The following SEC24D variants were observed in gnomAD, a reference collection of about 807,000 sequenced individuals.
SEC24D encodes protein transport protein Sec24D.
Under a neutral mutation model 116.9 loss-of-function variants are expected in SEC24D, and 69 were observed. That is an observed-to-expected ratio of 0.59 (90% CI 0.49 to 0.72). SEC24D has a LOEUF of 0.72. Among genes scored for constraint, SEC24D ranks in the 30% least tolerant of loss-of-function variants. The pLI is 0.00. For synonymous variants in SEC24D, 405 were observed against 442.8 expected (o/e 0.91, Z 1.07); for missense variants, 1,131 against 1,264.1 (o/e 0.89, Z 1.60).
At chr4:118,814,359 G>A (rs571492308) in intron 6 of SEC24D, among the ~76,000 whole-genome samples, 4 of 152,270 alleles carry the variant, frequency 2.6e-5, no homozygotes, top group East Asian at 3.9e-4. Context: ...GCCTCTTCAC[G>A]CTGGATTTTG....
At position 118,744,032 on chromosome 4, in the gene SEC24D, G is replaced by A; in HGVS notation, c.1951C>T (p.Pro651Ser). Residue 651 changes from proline to serine, a missense_variant, in exon 15 of 23, where the codon CCT becomes TCT. Physicochemically the swap from Pro to Ser is moderately conservative, Grantham distance 74. Transcript: ENST00000280551. ...TAAAGGGTTCCTCCAGTGAGCTGAG[G>A]AACCAGCCCCAGCGAGGCCACGTCC... The part of the protein sequence containing the change: ...YVDVASLGLV[P>S]QLTGGTLYKY... The A allele has an allele frequency of 6.2e-7, 1 of 1,612,932 alleles. No homozygotes were observed. Among genetic ancestry groups the A allele is most frequent in the East Asian group, 2.2e-5 (1 of 44,830 alleles).
chr4:118,794,989 A>G (rs887532809), intron 8 of SEC24D, among the ~76,000 whole-genome samples: 19 of 152,056 alleles, frequency 1.2e-4, no homozygotes, highest in Non-Finnish European at 2.4e-4. Flanking sequence ...TGTTATATGC[A>G]TATTTTATTT....
chr4:118,738,407 T>G, intron 18 of SEC24D, 28 bp from the exon 19 acceptor site: 1 of 1,473,060 alleles, frequency 6.8e-7, no homozygotes, highest in Non-Finnish European at 9.5e-7. Context: ...GAAAAGGACA[T>G]GAGTTTTAGC....
intron 8 of SEC24D, among the ~76,000 whole-genome samples, chr4:118,775,423 T>A (rs1475027593): frequency 6.6e-6 from 1 of 150,962 alleles, no homozygotes; most frequent in Admixed American, 6.6e-5. Context: ...TGGGCACTTA[T>A]GAGGAGCTAT....
chr4:118,814,177 G>A (rs1462665892), intron 6 of SEC24D, among the ~76,000 whole-genome samples: 8 of 152,204 alleles, frequency 5.3e-5, no homozygotes, highest in Non-Finnish European at 8.8e-5. Flanking sequence ...AAGATTGGCA[G>A]CTTCCCTGTC....
chr4:118,756,987 C>T (rs1727128947), intron 11 of SEC24D, among the ~76,000 whole-genome samples: 1 of 151,876 alleles, frequency 6.6e-6, no homozygotes, highest in Non-Finnish European at 1.5e-5. Context: ...GTTGTTTTTT[C>T]TCTCCTGAAA....
At chr4:118,815,930 C>CT (rs1560747861) in intron 4 of SEC24D, among the ~76,000 whole-genome samples, 3 of 151,462 alleles carry the variant, frequency 2.0e-5, no homozygotes, top group South Asian at 2.1e-4. Flanking sequence ...GGGATTTTTT[C>CT]TTTTTTTTAA....
chr4:118,756,283 A>G (rs1391534625), intron 11 of SEC24D, among the ~76,000 whole-genome samples: 1 of 152,140 alleles, frequency 6.6e-6, no homozygotes, highest in Non-Finnish European at 1.5e-5. Context: ...GGTAAGGGAA[A>G]CTACAGTCAC....
At chr4:118,790,536 A>G (rs1413986216) in intron 8 of SEC24D, among the ~76,000 whole-genome samples, 2 of 152,080 alleles carry the variant, frequency 1.3e-5, no homozygotes, top group African/African-American at 4.8e-5. Flanking sequence ...CTACATATAT[A>G]CCTCAGAATT....
At chr4:118,820,522 G>A (rs749731558) in intron 3 of SEC24D, among the ~76,000 whole-genome samples, 1 of 152,154 alleles carries the variant, frequency 6.6e-6, no homozygotes, top group South Asian at 2.1e-4. Context: ...CACATAGCAT[G>A]TTGTACAAAG....
chr4:118,732,843 GT>G lies in SEC24D; in HGVS notation c.2565del (p.Leu856SerfsTer19). ...YMNCLLKNCV[L>X]LSRPEISTDE... ...TCAGTTGAGATCTCTGGTCTGCTGA[GT>G]AGTACACAGTTTTTCAACAAGCAAT... On this transcript the variant is annotated frameshift_variant, in exon 20 of 23. Transcript: ENST00000280551. LOFTEE classifies it high-confidence loss of function. 6.2e-7 allele frequency: 1 copy of G among 1,614,032 alleles called. No individual in the cohort carries two copies. Among genetic ancestry groups the G allele is most frequent in the Non-Finnish European group, 8.5e-7 (1 of 1,179,910 alleles).
chr4:118,798,028 A>T (rs969943339), intron 7 of SEC24D, among the ~76,000 whole-genome samples: 1 of 152,222 alleles, frequency 6.6e-6, no homozygotes, highest in African/African-American at 2.4e-5. Flanking sequence ...AATACTCTGA[A>T]TCCTACTGCA....
At chr4:118,776,023 C>T (rs1728114831) in intron 8 of SEC24D, among the ~76,000 whole-genome samples, 1 of 150,082 alleles carries the variant, frequency 6.7e-6, no homozygotes, top group South Asian at 2.1e-4. Flanking sequence ...CAAGGGCCTA[C>T]ATTACAGAGT....
At chr4:118,786,621 C>T (rs1728673881) in intron 8 of SEC24D, among the ~76,000 whole-genome samples, 1 of 152,178 alleles carries the variant, frequency 6.6e-6, no homozygotes, top group East Asian at 1.9e-4. Context: ...GCTAAGAAGC[C>T]TTTTCAATAA....
At position 118,744,233 on chromosome 4, in the gene SEC24D, T is replaced by C. The variant is rs2110446205; in HGVS notation, c.1825-75A>G. The C allele has an allele frequency of 4.6e-6, 6 of 1,313,298 alleles. No individual in the cohort carries two copies. In the East Asian group the frequency reaches 1.5e-4, roughly 34 times the overall value. The allele number at this position is 1,313,298 out of a possible 1,614,324, so 81.4% of individuals were successfully genotyped here. A position where few individuals can be genotyped will look rare whatever the true frequency, so the allele number is the denominator to read the frequency against. On this transcript the variant is annotated intron_variant, in intron 14 of 22. Coordinates refer to ENST00000280551, the MANE Select transcript of SEC24D (RefSeq NM_014822.4). The stretch of plus-strand genomic sequence containing the variant: ...TTTGGTTTAAATTTTAAATTTCTAT[T>C]GAATTCTTATTGAATTTTCAAAATG...
At chr4:118,835,445 GCTCA>G (rs1712955663) in intron 1 of SEC24D, among the ~76,000 whole-genome samples, 1 of 152,164 alleles carries the variant, frequency 6.6e-6, no homozygotes, top group African/African-American at 2.4e-5. Flanking sequence ...CGGCCCCCTG[GCTCA>G]CTGTCACCCA....
chr4:118,831,523 A>G (rs1255087662), intron 2 of SEC24D, among the ~76,000 whole-genome samples: 1 of 152,142 alleles, frequency 6.6e-6, no homozygotes, highest in African/African-American at 2.4e-5. Context: ...AAGCTTTTCC[A>G]ACCCACGGCC....
chr4:118,788,091 T>C (rs1363179538), intron 8 of SEC24D, among the ~76,000 whole-genome samples: 1 of 152,228 alleles, frequency 6.6e-6, no homozygotes, highest in Admixed American at 6.5e-5. Flanking sequence ...GGAGGTGGGA[T>C]TACAAGTGTC....
At chr4:118,829,287 A>T (rs989938916) in intron 2 of SEC24D, among the ~76,000 whole-genome samples, 5 of 152,144 alleles carry the variant, frequency 3.3e-5, no homozygotes, top group Non-Finnish European at 7.4e-5. Context: ...CCAAGGCAGG[A>T]GGATGGCTTG....
Sources: allele counts gnomAD v4.1 joint callset (sites outside exome capture counted in the v4.1 genomes callset), GRCh38; gene constraint gnomAD v4.1.1; transcripts MANE v1.5; gene names NCBI Gene and HGNC (gene_info 2026-07-23, HGNC 2026-07-21).